The following NXPE4 variants were observed in gnomAD, a reference collection of about 807,000 sequenced individuals.
NXPE4 encodes the protein NXPE family member 4.
A neutral mutation model predicts 33.3 loss-of-function variants in NXPE4; 42 were observed. That is an observed-to-expected ratio of 1.26 (90% confidence interval 0.98 to 1.63). The LOEUF (loss-of-function observed/expected upper bound fraction) is 1.63, where lower values mean the gene tolerates loss of function less well. NXPE4 is among the 40% of genes most tolerant of loss of function. The pLI is 0.00. For missense variants in NXPE4, 709 were observed against 647.6 expected, an observed-to-expected ratio of 1.09 and a Z score of -1.03; for synonymous variants, 253 against 234.9, an observed-to-expected ratio of 1.08 and a Z score of -0.71.
the NXPE4 span, among the ~76,000 whole-genome samples, chr11:114,604,547 T>C: frequency 1.1e-4 from 16 of 151,966 alleles, no homozygotes; most frequent in Admixed American, 1.0e-3. Context: ...TATTTCCTTG[T>C]GGATAACCAC....
the NXPE4 span, among the ~76,000 whole-genome samples, chr11:114,631,651 T>A: frequency 6.6e-6 from 1 of 152,016 alleles, no homozygotes; most frequent in East Asian, 1.9e-4. Flanking sequence ...TGTGCACAGG[T>A]ACCCTAAAAC....
the NXPE4 span, among the ~76,000 whole-genome samples, chr11:114,644,234 G>A: frequency 1.3e-4 from 20 of 152,142 alleles, no homozygotes; most frequent in Admixed American, 9.2e-4. Context: ...CTTCCTGTTC[G>A]AATACCTTTA....
At chr11:114,599,266 C>T (rs1949612098), upstream of NXPE4, among the ~76,000 whole-genome samples, 1 of 152,078 alleles carries the variant, frequency 6.6e-6, no homozygotes, top group Non-Finnish European at 1.5e-5. Flanking sequence ...ACTCCGATTC[C>T]CAGTAAGTTC....
At chr11:114,633,734 G>A in the NXPE4 span, among the ~76,000 whole-genome samples, 5 of 151,602 alleles carry the variant, frequency 3.3e-5, no homozygotes, top group African/African-American at 7.3e-5. Flanking sequence ...TTGTCCTTGC[G>A]ATTGTTTACT....
chr11:114,632,110 A>T, the NXPE4 span, among the ~76,000 whole-genome samples: 4 of 144,762 alleles, frequency 2.8e-5, no homozygotes, highest in Non-Finnish European at 6.0e-5. Context: ...TGTAATATAT[A>T]AATTATATAT....
chr11:114,623,616 G>A, the NXPE4 span, among the ~76,000 whole-genome samples: 77 of 150,762 alleles, frequency 5.1e-4, 2 homozygotes, highest in South Asian at 0.015. Flanking sequence ...TGGGTTACCC[G>A]TTTTACCCAC....
At chr11:114,621,294 C>T in the NXPE4 span, among the ~76,000 whole-genome samples, 1 of 148,482 alleles carries the variant, frequency 6.7e-6, no homozygotes. Context: ...CGGTGGATAA[C>T]AAGTATTGCT....
the NXPE4 span, among the ~76,000 whole-genome samples, chr11:114,608,807 C>T: frequency 2.6e-5 from 4 of 151,880 alleles, no homozygotes; most frequent in South Asian, 2.1e-4. Context: ...ATAAGTGTTG[C>T]CTCGTGGGTA....
At chr11:114,623,420 G>T in the NXPE4 span, among the ~76,000 whole-genome samples, 8 of 152,040 alleles carry the variant, frequency 5.3e-5, no homozygotes, top group African/African-American at 1.9e-4. Context: ...TTACCCGCTG[G>T]ATAATAAGTA....
chr11:114,626,156 A>C, the NXPE4 span, among the ~76,000 whole-genome samples: 1 of 152,140 alleles, frequency 6.6e-6, no homozygotes, highest in Non-Finnish European at 1.5e-5. Context: ...GGGAAGCTCG[A>C]ACTGGGTGGA....
chr11:114,634,869 G>T, the NXPE4 span, among the ~76,000 whole-genome samples: 102,347 of 151,686 alleles, frequency 0.67, 34,909 homozygotes, highest in African/African-American at 0.75. Context: ...TACTGTAGCC[G>T]TGTAGTATAG....
the NXPE4 span, among the ~76,000 whole-genome samples, chr11:114,640,205 T>C: frequency 1.5e-5 from 2 of 137,838 alleles, no homozygotes; most frequent in African/African-American, 5.3e-5. Flanking sequence ...ATATATATTA[T>C]ATTTTAAAAT....
chr11:114,662,053 T>C, the NXPE4 span, among the ~76,000 whole-genome samples: 2 of 152,122 alleles, frequency 1.3e-5, no homozygotes, highest in African/African-American at 2.4e-5. Flanking sequence ...ATTTAACAAC[T>C]ATCGACACAA....
the NXPE4 span, among the ~76,000 whole-genome samples, chr11:114,625,069 C>T: frequency 2.0e-5 from 3 of 152,114 alleles, no homozygotes; most frequent in East Asian, 1.9e-4. Context: ...ATAAATATTG[C>T]CCCGTGGGTA....
At chr11:114,618,756 CCA>C in the NXPE4 span, among the ~76,000 whole-genome samples, 1 of 151,966 alleles carries the variant, frequency 6.6e-6, no homozygotes, top group African/African-American at 2.4e-5. Context: ...TCGTGCGTAG[CCA>C]CTGTTATCTG....
chr11:114,670,224 A>G, the NXPE4 span, among the ~76,000 whole-genome samples: 4 of 152,004 alleles, frequency 2.6e-5, no homozygotes, highest in Admixed American at 2.6e-4. Context: ...TGATAACAAC[A>G]GATGGAGAGA....
the NXPE4 span, among the ~76,000 whole-genome samples, chr11:114,630,425 G>C: frequency 1.1e-3 from 161 of 151,878 alleles, 1 homozygote; most frequent in African/African-American, 3.8e-3. Flanking sequence ...AATGGGGAAA[G>C]TATTCCCTAT....
intron 5 of NXPE4, among the ~76,000 whole-genome samples, chr11:114,579,357 G>A (rs1043345250): frequency 6.6e-6 from 1 of 152,204 alleles, no homozygotes; most frequent in Non-Finnish European, 1.5e-5. Flanking sequence ...GTTTCAACAT[G>A]AGATTTGGAG....
chr11:114,573,734 A>G (rs948920939), intron 5 of NXPE4, among the ~76,000 whole-genome samples: 10 of 152,080 alleles, frequency 6.6e-5, no homozygotes, highest in African/African-American at 2.4e-4. Context: ...AATAGACCAA[A>G]AAAAATGAGA....
Sources: allele counts gnomAD v4.1 joint callset (sites outside exome capture counted in the v4.1 genomes callset), GRCh38; gene constraint gnomAD v4.1.1; transcripts MANE v1.5; gene names NCBI Gene and HGNC (gene_info 2026-07-23, HGNC 2026-07-21).